The following DNAH11 variants were observed in gnomAD, a reference collection of about 807,000 sequenced individuals.
The protein encoded by DNAH11 is axonemal beta dynein heavy chain 11.
DNAH11 carries 442 observed loss-of-function variants against 526.0 expected under a neutral mutation model. The observed-to-expected ratio is 0.84, with a 90% confidence interval of 0.78 to 0.91. DNAH11 has a LOEUF of 0.91. DNAH11 is among the 40% of genes least tolerant of loss of function. The pLI is 0.00. For missense variants in DNAH11, 6,989 were observed against 5,448.7 expected, an observed-to-expected ratio of 1.28 and a Z score of -8.90; for synonymous variants, 2,461 against 1,935.9, an observed-to-expected ratio of 1.27 and a Z score of -7.12.
intron 20 of DNAH11, among the ~76,000 whole-genome samples, chr7:21,608,200 C>T (rs1268822218): frequency 6.6e-6 from 1 of 152,124 alleles, no homozygotes; most frequent in East Asian, 1.9e-4. Flanking sequence ...TAATGAACAA[C>T]TGTACTTTAT....
intron 6 of DNAH11, among the ~76,000 whole-genome samples, chr7:21,565,039 C>T (rs1021050216): frequency 6.6e-6 from 1 of 152,182 alleles, no homozygotes; most frequent in African/African-American, 2.4e-5. Context: ...GCTACATAAT[C>T]CAGTGGTTCT....
At chr7:21,869,969 C>T (rs1173314305) in intron 73 of DNAH11, among the ~76,000 whole-genome samples, 5 of 152,232 alleles carry the variant, frequency 3.3e-5, no homozygotes, top group Non-Finnish European at 7.3e-5. Flanking sequence ...TGCTAGCTGT[C>T]TCACTAGGTC....
At chr7:21,769,422 A>G (rs1046448866) in intron 55 of DNAH11, among the ~76,000 whole-genome samples, 3 of 151,808 alleles carry the variant, frequency 2.0e-5, no homozygotes, top group Admixed American at 2.0e-4. Flanking sequence ...CACCATTCAC[A>G]CCATCTCCTG....
chr7:21,852,674 T>A, intron 67 of DNAH11, 43 bp downstream of exon 67: 1 of 1,522,622 alleles, frequency 6.6e-7, no homozygotes, highest in Non-Finnish European at 8.8e-7. Flanking sequence ...AATGCTCTGT[T>A]CGAATGAGAC....
At chr7:21,829,473 G>A (rs1397224759) in intron 65 of DNAH11, among the ~76,000 whole-genome samples, 1 of 152,126 alleles carries the variant, frequency 6.6e-6, no homozygotes, top group Non-Finnish European at 1.5e-5. Context: ...GATTCCTACT[G>A]CAGCCATTTC....
chr7:21,715,860 C>T (rs1784643248), intron 42 of DNAH11, among the ~76,000 whole-genome samples: 1 of 119,396 alleles, frequency 8.4e-6, no homozygotes, highest in African/African-American at 3.9e-5. Context: ...CTGATTTCCC[C>T]CTCCCACCCC....
chr7:21,803,540 C>G (rs1789094219), intron 62 of DNAH11, among the ~76,000 whole-genome samples: 1 of 152,022 alleles, frequency 6.6e-6, no homozygotes, highest in South Asian at 2.1e-4. Context: ...GACAGACTCC[C>G]ACTTAAGTTT....
At chr7:21,763,347 A>AAAAAAAAG (rs1787009927) in intron 54 of DNAH11, among the ~76,000 whole-genome samples, 1 of 42,808 alleles carries the variant, frequency 2.3e-5, no homozygotes, top group African/African-American at 6.1e-5. Flanking sequence ...CTCAAAAAAA[A>AAAAAAAAG]AAAAAAAAAG....
intron 65 of DNAH11, among the ~76,000 whole-genome samples, chr7:21,835,650 T>G (rs1331626093): frequency 1.3e-5 from 2 of 152,056 alleles, no homozygotes; most frequent in African/African-American, 4.8e-5. Flanking sequence ...AACCCACAGC[T>G]AACATATTAA....
At chr7:21,599,097 A>G (rs1188008023) in intron 14 of DNAH11, among the ~76,000 whole-genome samples, 1 of 152,208 alleles carries the variant, frequency 6.6e-6, no homozygotes, top group Non-Finnish European at 1.5e-5. Context: ...TTTGGTGTAT[A>G]TCCAGTGATG....
At chr7:21,724,030 G>A (rs1442483009) in intron 44 of DNAH11, among the ~76,000 whole-genome samples, 1 of 152,216 alleles carries the variant, frequency 6.6e-6, no homozygotes. Flanking sequence ...GAGAGACTCT[G>A]TTGGTTTTCT....
intron 45 of DNAH11, among the ~76,000 whole-genome samples, chr7:21,731,131 T>A (rs1175405085): frequency 6.6e-5 from 10 of 151,112 alleles, no homozygotes; most frequent in Non-Finnish European, 1.2e-4. Flanking sequence ...GCAACAAGAG[T>A]GAAACTGTCT....
intron 29 of DNAH11, among the ~76,000 whole-genome samples, chr7:21,658,238 G>A (rs1465686455): frequency 1.3e-5 from 2 of 152,056 alleles, no homozygotes; most frequent in African/African-American, 4.8e-5. Flanking sequence ...TTTCTGACAA[G>A]TGTGAAGATT....
chr7:21,567,802 A>G (rs2128435132), intron 6 of DNAH11, among the ~76,000 whole-genome samples: 1 of 152,358 alleles, frequency 6.6e-6, no homozygotes, highest in South Asian at 2.1e-4. Context: ...TAACATCATT[A>G]TCTAGGCCAG....
intron 6 of DNAH11, among the ~76,000 whole-genome samples, chr7:21,568,353 A>G (rs1210653194): frequency 1.3e-5 from 2 of 152,088 alleles, no homozygotes; most frequent in African/African-American, 4.8e-5. Context: ...GTAGAAAAGA[A>G]TTTAGAGTTT....
At chr7:21,664,786 C>T (rs976738109) in intron 30 of DNAH11, among the ~76,000 whole-genome samples, 1 of 152,032 alleles carries the variant, frequency 6.6e-6, no homozygotes, top group Non-Finnish European at 1.5e-5. Context: ...TGCAATTACT[C>T]AGTTTAGGAT....
chr7:21,898,974 C>G (rs1296294891), intron 79 of DNAH11, among the ~76,000 whole-genome samples: 4 of 152,242 alleles, frequency 2.6e-5, no homozygotes, highest in East Asian at 1.9e-4. Flanking sequence ...CTCAGACACC[C>G]TGTCCATACC....
At chr7:21,718,276 C>G (rs1784744944) in intron 43 of DNAH11, among the ~76,000 whole-genome samples, 1 of 152,080 alleles carries the variant, frequency 6.6e-6, no homozygotes, top group Admixed American at 6.5e-5. Context: ...TTTCCAGTGT[C>G]TTTGCACAGA....
intron 25 of DNAH11, among the ~76,000 whole-genome samples, chr7:21,628,537 G>A (rs1205340044): frequency 2.0e-5 from 3 of 151,990 alleles, no homozygotes; most frequent in African/African-American, 7.2e-5. Flanking sequence ...TTTGAAATTT[G>A]TTAAAATAAT....
Sources: gnomAD v4.1 joint callset for allele counts (sites outside exome capture counted in the v4.1 genomes callset) on GRCh38, gnomAD v4.1.1 for gene constraint, MANE v1.5 for transcripts, NCBI Gene and HGNC (gene_info 2026-07-23, HGNC 2026-07-21) for gene names.